The following XKRX variants were observed in gnomAD, a reference collection of about 807,000 sequenced individuals.
XKRX encodes the protein XK-related protein 2.
Under a neutral mutation model 22.4 loss-of-function variants are expected in XKRX, and 11 were observed. That is an observed-to-expected ratio of 0.49 (90% confidence interval 0.31 to 0.81). The LOEUF (loss-of-function observed/expected upper bound fraction) is 0.81. Ranked by LOEUF, XKRX falls within the 40% of genes least tolerant of loss-of-function variation. The probability of loss-of-function intolerance (pLI) is 0.05; values close to 1 mark genes in which losing one functional copy is unlikely to be tolerated. For missense variants in XKRX, 320 were observed against 336.5 expected (o/e 0.95, Z 0.38); for synonymous variants, 114 against 132.2 (o/e 0.86, Z 0.94).
the XKRX span, among the ~76,000 whole-genome samples, chrX:100,946,152 T>G: frequency 6.6e-5 from 7 of 106,628 alleles, no homozygotes; most frequent in African/African-American, 1.0e-4. Context: ...TGCCATGCAC[T>G]CTAGCCCGGG....
At chrX:100,915,222 A>G (rs1416519148) in intron 2 of XKRX, 139 bp from the exon 3 acceptor site, 1 of 655,925 alleles carries the variant, frequency 1.5e-6, no homozygotes, top group African/African-American at 2.3e-5. Context: ...AAATATGATC[A>G]CAGCTATGTA....
intron 2 of XKRX, among the ~76,000 whole-genome samples, chrX:100,920,401 ATT>A (rs200167857): frequency 0.013 from 1,445 of 111,471 alleles, 23 homozygotes; most frequent in African/African-American, 0.044. Flanking sequence ...TACAATATAT[ATT>A]GTATGTATGT....
At chrX:100,919,843 C>T (rs1156599259) in intron 2 of XKRX, among the ~76,000 whole-genome samples, 2 of 111,614 alleles carry the variant, frequency 1.8e-5, no homozygotes, top group Non-Finnish European at 3.8e-5. Flanking sequence ...TTGGCAATAT[C>T]AATAAAATTT....
the XKRX span, among the ~76,000 whole-genome samples, chrX:100,953,952 A>G: frequency 4.6e-5 from 5 of 109,848 alleles, no homozygotes; most frequent in Non-Finnish European, 7.6e-5. Flanking sequence ...AAAAATAAAA[A>G]GACAAATTAC....
the XKRX span, among the ~76,000 whole-genome samples, chrX:100,896,776 G>A: frequency 1.8e-5 from 2 of 111,636 alleles, no homozygotes; most frequent in African/African-American, 6.5e-5. Context: ...GCTGCAGTGA[G>A]CCGTGATTGT....
the XKRX span, among the ~76,000 whole-genome samples, chrX:100,907,819 CAAT>C: frequency 9.0e-6 from 1 of 111,411 alleles, no homozygotes; most frequent in Non-Finnish European, 1.9e-5. Flanking sequence ...ACACTCATAC[CAAT>C]AATGTGTGAG....
At chrX:100,921,468 G>A (rs2085471691) in intron 2 of XKRX, among the ~76,000 whole-genome samples, 1 of 111,450 alleles carries the variant, frequency 9.0e-6, no homozygotes, top group Non-Finnish European at 1.9e-5. Context: ...ATTCTGAGTG[G>A]GGAAAAAAGA....
chrX:100,888,432 A>G, the XKRX span: 2 of 995,324 alleles, frequency 2.0e-6, no homozygotes, highest in African/African-American at 1.9e-5. Context: ...AAGCCCCTGG[A>G]GCGCTTGGTG....
chrX:100,943,240 A>G, the XKRX span, among the ~76,000 whole-genome samples: 1 of 111,904 alleles, frequency 8.9e-6, no homozygotes, highest in Non-Finnish European at 1.9e-5. Flanking sequence ...CTTTCCTTTT[A>G]CTATCTATGC....
the XKRX span, among the ~76,000 whole-genome samples, chrX:100,897,593 ATGTGTGTGTGTGTGTGTGTGTG>A: frequency 4.5e-5 from 3 of 66,461 alleles, no homozygotes; most frequent in African/African-American, 1.2e-4. Flanking sequence ...AAATATATAT[ATGTGTGTGTGTGTGTGTGTGTG>A]TGTGTGTGTG....
chrX:100,922,653 A>G, intron 2 of XKRX, 140 bp downstream of exon 2: 9 of 614,578 alleles, frequency 1.5e-5, no homozygotes, highest in Admixed American at 4.0e-5. Context: ...AGCTAGTATT[A>G]ATGAACAAGT....
intron 1 of XKRX, among the ~76,000 whole-genome samples, chrX:100,926,094 CTT>C (rs985746316): frequency 7.2e-5 from 8 of 111,781 alleles, no homozygotes; most frequent in Non-Finnish European, 1.5e-4. Context: ...TTCTCTGAGA[CTT>C]TGTTTTCATT....
At chrX:100,887,774 G>T in the XKRX span, 25 of 866,244 alleles carry the variant, frequency 2.9e-5, no homozygotes, top group African/African-American at 4.7e-4. Flanking sequence ...CCCTTCACGG[G>T]TCCAAAATTT....
intron 2 of XKRX, among the ~76,000 whole-genome samples, chrX:100,917,657 GAAAGAAAGAAAGAAAGA>G (rs1303372652): frequency 4.7e-5 from 2 of 42,293 alleles, no homozygotes; most frequent in Non-Finnish European, 8.0e-5. Context: ...AAGAAAGAAA[GAAAGAAAGAAAGAAAGA>G]AAAGAAAGAA....
chrX:100,929,513 C>G (rs770427728), upstream of XKRX: 2 of 111,567 alleles, frequency 1.8e-5, no homozygotes, highest in African/African-American at 6.5e-5. Flanking sequence ...AACACTCACT[C>G]TACCCACGCT....
intron 2 of XKRX, among the ~76,000 whole-genome samples, chrX:100,916,109 ACG>A (rs946298756): frequency 1.8e-5 from 2 of 108,404 alleles, no homozygotes; most frequent in African/African-American, 6.9e-5. Context: ...ACACACACAC[ACG>A]TACAAAAATG....
chrX:100,940,261 GAA>G, the XKRX span, among the ~76,000 whole-genome samples: 2 of 111,740 alleles, frequency 1.8e-5, no homozygotes, highest in African/African-American at 6.5e-5. Flanking sequence ...TTGAAACGCA[GAA>G]AAGTTATGAA....
Position 100,914,632 on chromosome X carries a change from G to A in XKRX, c.1056C>T (p.His352=), listed in dbSNP as rs371789020. 6 of 1,210,169 alleles carry A rather than the reference G, an allele frequency of 5.0e-6. No homozygotes were observed. The highest frequency in any genetic ancestry group is 2.2e-5 in the Admixed American group (1 of 45,748). ...CATTCTCTACCAACCTCACACTATA[G>A]TGCAGGCCCATATGTCCCCAGTTCT... The part of the protein sequence containing the change: ...KGQNWGHMGL[H]YSVRLVENVI... The change falls in exon 3 of 3, where the codon CAC becomes CAT. Residue 352 remains histidine, a synonymous_variant. Transcript: ENST00000372956.
chrX:100,943,124 A>ATG, the XKRX span, among the ~76,000 whole-genome samples: 1 of 110,510 alleles, frequency 9.0e-6, no homozygotes, highest in Non-Finnish European at 1.9e-5. Flanking sequence ...GTGTGTGTGT[A>ATG]TGTGTGTGTG....
Sources: allele counts gnomAD v4.1 joint callset (sites outside exome capture counted in the v4.1 genomes callset), GRCh38; gene constraint gnomAD v4.1.1; transcripts MANE v1.5; gene names NCBI Gene and HGNC (gene_info 2026-07-23, HGNC 2026-07-21).